The following KLRG2 variants were observed in gnomAD, a reference collection of about 807,000 sequenced individuals.
KLRG2 encodes the protein killer cell lectin like receptor G2.
KLRG2 carries 39 observed loss-of-function variants against 35.4 expected under a neutral mutation model. The observed-to-expected ratio is 1.10, with a 90% CI of 0.85 to 1.44. KLRG2 has a LOEUF of 1.44. Ranked by LOEUF, KLRG2 falls within the 40% of genes most tolerant of loss-of-function variation. KLRG2 has a pLI of 0.00. For missense variants in KLRG2, 632 were observed against 570.9 expected, an observed-to-expected ratio of 1.11 and a Z score of -1.09; for synonymous variants, 283 against 265.8, an observed-to-expected ratio of 1.06 and a Z score of -0.63.
chr7:139,427,123 T>C, the KLRG2 span, among the ~76,000 whole-genome samples: 1 of 152,196 alleles, frequency 6.6e-6, no homozygotes, highest in South Asian at 2.1e-4. Flanking sequence ...ATTTTCTCCC[T>C]CAGGGGAGTT....
At chr7:139,427,112 C>T in the KLRG2 span, among the ~76,000 whole-genome samples, 5 of 152,086 alleles carry the variant, frequency 3.3e-5, no homozygotes, top group Non-Finnish European at 7.4e-5. Flanking sequence ...TTTGAAAAAG[C>T]ATTTTCTCCC....
At chr7:139,474,744 G>C (rs1796819332) in intron 3 of KLRG2, among the ~76,000 whole-genome samples, 1 of 152,182 alleles carries the variant, frequency 6.6e-6, no homozygotes, top group African/African-American at 2.4e-5. Flanking sequence ...CTGGGCGACA[G>C]AGTGAAACTT....
chr7:139,462,184 A>T (rs569156807), intron 3 of KLRG2, among the ~76,000 whole-genome samples: 1 of 152,308 alleles, frequency 6.6e-6, no homozygotes, highest in East Asian at 1.9e-4. Context: ...TCGGGAAAAC[A>T]GTCTTCCCTT....
At position 139,453,191 on chromosome 7, in the gene KLRG2, G is replaced by A. The variant is rs1334955681; in HGVS notation, c.*396C>T. 8.3e-6 allele frequency: 3 copies of A among 360,648 alleles called. No individual in the cohort carries two copies. The highest frequency in any genetic ancestry group is 6.2e-5 in the South Asian group (1 of 16,038). 22.3% of individuals were successfully genotyped at this position (360,648 alleles called of 1,614,324 possible). ...CCAAGTCCCACTGCCACTGAACAAC[G>A]GCAGACTCATTTCCATGAGCCGGAA... On this transcript the variant is annotated 3_prime_UTR_variant, in exon 5 of 5. Transcript: ENST00000340940.
the KLRG2 span, among the ~76,000 whole-genome samples, chr7:139,441,806 C>A: frequency 6.6e-6 from 1 of 152,108 alleles, no homozygotes; most frequent in Non-Finnish European, 1.5e-5. Context: ...GAATAGGGCT[C>A]TCTTCTGGCC....
chr7:139,482,378 G>A (rs1195426317), intron 1 of KLRG2, among the ~76,000 whole-genome samples: 1 of 152,032 alleles, frequency 6.6e-6, no homozygotes, highest in African/African-American at 2.4e-5. Context: ...AGGGGAGGAT[G>A]AGAAGGGGAG....
chr7:139,432,544 A>ACCCC, the KLRG2 span, among the ~76,000 whole-genome samples: 5 of 100,820 alleles, frequency 5.0e-5, no homozygotes, highest in African/African-American at 1.8e-4. Flanking sequence ...TGATTGCAGG[A>ACCCC]CCCCCCCCCC....
chr7:139,482,936 CG>C lies in KLRG2; in HGVS notation c.706del (p.Arg236AlafsTer14), dbSNP rs1395681239. 2 of 1,493,590 alleles carry C rather than the reference CG, an allele frequency of 1.3e-6. No homozygotes were observed. Among genetic ancestry groups the C allele is most frequent in the African/African-American group, 1.4e-5 (1 of 69,046 alleles). 92.5% of individuals were successfully genotyped at this position (1,493,590 alleles called of 1,614,324 possible). On this transcript the variant is annotated frameshift_variant, in exon 1 of 5. Transcript: ENST00000340940. LOFTEE classifies it high-confidence loss of function. The stretch of plus-strand genomic sequence containing the variant: ...CTTCTCGTCGCCGTCCAACCCCGCG[CG>C]GGGCAACAGCGCCGCATCCTCCTTC... Reference protein sequence around the residue: ...LEKEDAALLPRAGLDGDEKLP... With the variant: ...LEKEDAALLPXAGLDGDEKLP...
At chr7:139,475,286 C>T (rs1267229076) in intron 3 of KLRG2, among the ~76,000 whole-genome samples, 2 of 152,164 alleles carry the variant, frequency 1.3e-5, no homozygotes, top group East Asian at 1.9e-4. Flanking sequence ...AATCTCAGCA[C>T]TTTAGGAGGC....
chr7:139,431,251 A>G, the KLRG2 span, among the ~76,000 whole-genome samples: 2 of 152,174 alleles, frequency 1.3e-5, no homozygotes, highest in Non-Finnish European at 2.9e-5. Flanking sequence ...GCCGGACCTC[A>G]GGGAGGACCA....
chr7:139,431,082 C>T, the KLRG2 span, among the ~76,000 whole-genome samples: 1 of 147,038 alleles, frequency 6.8e-6, no homozygotes, highest in South Asian at 2.1e-4. Flanking sequence ...ACACAAGCAG[C>T]AACATGAATA....
chr7:139,436,158 C>T, the KLRG2 span, among the ~76,000 whole-genome samples: 13 of 152,292 alleles, frequency 8.5e-5, 1 homozygote, highest in African/African-American at 2.9e-4. Flanking sequence ...CCACCTCAGG[C>T]TCCCAAAGTG....
At chr7:139,462,044 C>A (rs1440039541) in intron 3 of KLRG2, among the ~76,000 whole-genome samples, 1 of 152,208 alleles carries the variant, frequency 6.6e-6, no homozygotes, top group African/African-American at 2.4e-5. Context: ...CCCTCAACCT[C>A]TTTCTCCTTT....
chr7:139,460,224 C>T (rs777417447), intron 3 of KLRG2, among the ~76,000 whole-genome samples: 1 of 152,196 alleles, frequency 6.6e-6, no homozygotes, highest in East Asian at 1.9e-4. Flanking sequence ...GATACCAGGA[C>T]TGTTTCCTGA....
intron 3 of KLRG2, among the ~76,000 whole-genome samples, chr7:139,478,518 A>T (rs1442999938): frequency 6.6e-6 from 1 of 151,948 alleles, no homozygotes; most frequent in Admixed American, 6.6e-5. Context: ...AAAAATACAA[A>T]AATTAGCCAG....
At chr7:139,443,909 C>T in the KLRG2 span, among the ~76,000 whole-genome samples, 1 of 152,176 alleles carries the variant, frequency 6.6e-6, no homozygotes, top group African/African-American at 2.4e-5. Context: ...CCAGTAGTAG[C>T]TCAGTCCAAG....
At chr7:139,427,269 G>A in the KLRG2 span, among the ~76,000 whole-genome samples, 42 of 152,168 alleles carry the variant, frequency 2.8e-4, no homozygotes, top group African/African-American at 1.0e-3. Flanking sequence ...GGGTCAGCAG[G>A]CAGCACACTG....
At chr7:139,451,143 T>C (rs1796370317), downstream of KLRG2, among the ~76,000 whole-genome samples, 1 of 152,108 alleles carries the variant, frequency 6.6e-6, no homozygotes, top group Non-Finnish European at 1.5e-5. Context: ...GGTCAATCCA[T>C]AGAAGGAAGG....
At chr7:139,472,612 C>T (rs1796778145) in intron 3 of KLRG2, among the ~76,000 whole-genome samples, 1 of 151,310 alleles carries the variant, frequency 6.6e-6, no homozygotes. Flanking sequence ...GAAGAGACAA[C>T]ATCAGATGAG....
Sources: allele counts gnomAD v4.1 joint callset (sites outside exome capture counted in the v4.1 genomes callset), GRCh38; gene constraint gnomAD v4.1.1; transcripts MANE v1.5; gene names NCBI Gene and HGNC (gene_info 2026-07-23, HGNC 2026-07-21).